The following KCNIP4 variants were observed in gnomAD, a reference collection of about 807,000 sequenced individuals.
The protein encoded by KCNIP4 is potassium voltage-gated channel interacting protein 4, also known as Kv channel-interacting protein 4.
A neutral mutation model predicts 34.0 loss-of-function variants in KCNIP4; 12 were observed. The ratio of observed to expected loss-of-function variants is 0.35; its 90% confidence interval spans 0.23 to 0.57. KCNIP4 has a LOEUF of 0.57. KCNIP4 is among the 20% of genes least tolerant of loss of function. The pLI, the probability that KCNIP4 is intolerant of heterozygous loss-of-function variation, is 0.83. For synonymous variants in KCNIP4, 124 were observed against 102.2 expected (o/e 1.21, Z -1.29); for missense variants, 238 against 311.7 (o/e 0.76, Z 1.78).
Position 21,175,040 on chromosome 4 carries a change from C to T in KCNIP4, c.62-292331G>A, listed in dbSNP as rs190583439. 7.8e-4 allele frequency among the ~76,000 whole-genome samples: 119 copies of T among 151,776 alleles called. 1 individual carries two copies. The highest frequency in any genetic ancestry group is 2.6e-3 in the African/African-American group (108 of 41,370). The stretch of plus-strand genomic sequence containing the variant: ...TGATGAGTCCTTAAGTAACTGGTGA[C>T]CAAGATGGCCTTAATGTCTCCCTCA... On this transcript the variant is annotated intron_variant, in intron 1 of 8. Coordinates refer to ENST00000382152, the MANE Select transcript of KCNIP4 (RefSeq NM_025221.6).
intron 3 of KCNIP4, among the ~76,000 whole-genome samples, chr4:20,791,203 A>G (rs1712708767): frequency 6.6e-6 from 1 of 152,214 alleles, no homozygotes; most frequent in Admixed American, 6.6e-5. Context: ...AAAATTCCTT[A>G]TCCAGTAAAG....
At chr4:21,750,955 T>C (rs1365520280) in intron 1 of KCNIP4, among the ~76,000 whole-genome samples, 1 of 152,140 alleles carries the variant, frequency 6.6e-6, no homozygotes, top group Non-Finnish European at 1.5e-5. Context: ...TGCAATCATC[T>C]ATATTTACTT....
intron 1 of KCNIP4, among the ~76,000 whole-genome samples, chr4:21,438,200 CAGGAA>C (rs1182300232): frequency 1.3e-5 from 2 of 152,074 alleles, no homozygotes; most frequent in Admixed American, 1.3e-4. Context: ...GAATGAGGCC[CAGGAA>C]AGAGACACGA....
intron 1 of KCNIP4, among the ~76,000 whole-genome samples, chr4:21,209,599 C>T (rs1190627622): frequency 6.7e-6 from 1 of 150,164 alleles, no homozygotes; most frequent in Non-Finnish European, 1.5e-5. Context: ...GGTCATATCT[C>T]TATCTATCTA....
intron 3 of KCNIP4, among the ~76,000 whole-genome samples, chr4:20,811,491 A>ATGTGTG (rs754289052): frequency 6.8e-5 from 10 of 147,512 alleles, no homozygotes; most frequent in Non-Finnish European, 4.6e-5. Flanking sequence ...GTGTGTGTGC[A>ATGTGTG]TGTGTGTGTG....
intron 1 of KCNIP4, among the ~76,000 whole-genome samples, chr4:21,522,473 C>A (rs1285441381): frequency 6.6e-6 from 1 of 152,018 alleles, no homozygotes; most frequent in Non-Finnish European, 1.5e-5. Context: ...CTCAAGCGAT[C>A]TTCCGGCCTC....
intron 6 of KCNIP4, 53 bp from the exon 7 acceptor site, chr4:20,732,838 GTCTAAGAAGCTCTGAC>G: frequency 9.2e-7 from 1 of 1,083,006 alleles, no homozygotes. Context: ...GAAGAAACCA[GTCTAAGAAGCTCTGAC>G]AGATTTTTCC....
At chr4:21,701,523 T>A (rs2323074) in intron 1 of KCNIP4, among the ~76,000 whole-genome samples, 6,926 of 152,128 alleles carry the variant, frequency 0.046, 502 homozygotes, top group African/African-American at 0.16. Flanking sequence ...CATAAATATA[T>A]GCCAAGTATT....
At chr4:21,118,736 T>C (rs1749898431) in intron 1 of KCNIP4, among the ~76,000 whole-genome samples, 1 of 152,156 alleles carries the variant, frequency 6.6e-6, no homozygotes. Flanking sequence ...TTCTCATATG[T>C]GTTTCCCTGA....
intron 1 of KCNIP4, among the ~76,000 whole-genome samples, chr4:21,545,858 C>A (rs1004032717): frequency 2.6e-5 from 4 of 152,186 alleles, no homozygotes; most frequent in Admixed American, 6.6e-5. Context: ...GTGCGTGTGT[C>A]TTTATGGTAG....
At chr4:21,143,018 A>T (rs1752083714) in intron 1 of KCNIP4, among the ~76,000 whole-genome samples, 1 of 152,170 alleles carries the variant, frequency 6.6e-6, no homozygotes, top group Non-Finnish European at 1.5e-5. Context: ...TATAAAAGAC[A>T]TTGAAACTGA....
chr4:21,677,836 T>G (rs376047503), intron 1 of KCNIP4, among the ~76,000 whole-genome samples: 24 of 152,186 alleles, frequency 1.6e-4, no homozygotes, highest in East Asian at 9.7e-4. Flanking sequence ...TGCAACCTCC[T>G]CCTCCTGAGT....
chr4:21,044,149 T>G (rs540908429), intron 1 of KCNIP4, among the ~76,000 whole-genome samples: 18 of 152,234 alleles, frequency 1.2e-4, no homozygotes, highest in African/African-American at 4.3e-4. Flanking sequence ...AGTTTCCAGC[T>G]TTGTATCCAT....
intron 1 of KCNIP4, among the ~76,000 whole-genome samples, chr4:21,266,362 A>C (rs563874344): frequency 6.6e-6 from 1 of 152,146 alleles, no homozygotes; most frequent in African/African-American, 2.4e-5. Flanking sequence ...CATTTGACTA[A>C]AGTAACAAAT....
At chr4:21,186,426 G>C (rs1005422013) in intron 1 of KCNIP4, among the ~76,000 whole-genome samples, 1 of 152,114 alleles carries the variant, frequency 6.6e-6, no homozygotes, top group South Asian at 2.1e-4. Flanking sequence ...TAAGAAAGTC[G>C]AAGTAGGGAT....
At chr4:20,830,038 T>G (rs1718229330) in intron 3 of KCNIP4, among the ~76,000 whole-genome samples, 1 of 152,182 alleles carries the variant, frequency 6.6e-6, no homozygotes, top group South Asian at 2.1e-4. Flanking sequence ...CCTCCCTCAG[T>G]TCTCCTTTCC....
At chr4:21,155,665 A>C (rs995632564) in intron 1 of KCNIP4, among the ~76,000 whole-genome samples, 4 of 152,122 alleles carry the variant, frequency 2.6e-5, no homozygotes, top group African/African-American at 9.7e-5. Context: ...GGAACACGGA[A>C]GCTCTATGCT....
Position 21,948,742 on chromosome 4 carries a change from C to A in KCNIP4, c.-111G>T, listed in dbSNP as rs1168269025. 1.6e-6 allele frequency: 2 copies of A among 1,237,902 alleles called. No individual in the cohort carries two copies. The highest frequency in any genetic ancestry group is 2.0e-6 in the Non-Finnish European group (2 of 976,448). 76.7% of individuals were successfully genotyped at this position (1,237,902 alleles called of 1,614,324 possible). A position where few individuals can be genotyped will look rare whatever the true frequency, so the allele number is the denominator to read the frequency against. ...CCGCTCGGCCCGGGGGCGTCCGTGG[C>A]GCTGGGAGCGAGAGCTTCGGCGGCG... On this transcript the variant is annotated 5_prime_UTR_variant, in exon 1 of 9. Transcript: ENST00000382152.
chr4:21,185,992 C>T (rs1013645024), intron 1 of KCNIP4, among the ~76,000 whole-genome samples: 1 of 152,146 alleles, frequency 6.6e-6, no homozygotes, highest in Admixed American at 6.5e-5. Flanking sequence ...AAACACAGAC[C>T]TGCTCTCTAT....
Sources: allele counts gnomAD v4.1 joint callset (sites outside exome capture counted in the v4.1 genomes callset), GRCh38; gene constraint gnomAD v4.1.1; transcripts MANE v1.5; gene names NCBI Gene and HGNC (gene_info 2026-07-23, HGNC 2026-07-21).